Variants in BMP8A observed in about 807,000 individuals in gnomAD.
BMP8A encodes the protein BMP-8A.
In BMP8A, 14 loss-of-function variants were observed where a neutral mutation model predicts 36.8. That is an observed-to-expected ratio of 0.38 (90% CI 0.25 to 0.60). BMP8A has a LOEUF of 0.60. Among genes scored for constraint, BMP8A ranks in the 20% least tolerant of loss-of-function variants. The probability of loss-of-function intolerance (pLI) is 0.63; values close to 1 mark genes in which losing one functional copy is unlikely to be tolerated. For synonymous variants in BMP8A, 120 were observed against 237.7 expected (o/e 0.50, Z 4.55); for missense variants, 267 against 551.1 (o/e 0.48, Z 5.16).
At chr1:39,505,085 C>T (rs1024247592) in intron 1 of BMP8A, among the ~76,000 whole-genome samples, 41 of 152,176 alleles carry the variant, frequency 2.7e-4, no homozygotes, top group Non-Finnish European at 3.1e-4. Context: ...CAGGGATGAG[C>T]AGGAGACAGA....
At chr1:39,501,261 C>T (rs961748016) in intron 1 of BMP8A, among the ~76,000 whole-genome samples, 2 of 152,234 alleles carry the variant, frequency 1.3e-5, no homozygotes, top group African/African-American at 2.4e-5. Flanking sequence ...GTCCCACCTC[C>T]GATCACAGCC....
At chr1:39,501,827 A>T (rs1210190869) in intron 1 of BMP8A, among the ~76,000 whole-genome samples, 2 of 152,230 alleles carry the variant, frequency 1.3e-5, no homozygotes, top group African/African-American at 4.8e-5. Flanking sequence ...GATTACTGCC[A>T]GATTTCCTAC....
At chr1:39,503,497 T>C (rs1278371575) in intron 1 of BMP8A, among the ~76,000 whole-genome samples, 1 of 150,544 alleles carries the variant, frequency 6.6e-6, no homozygotes, top group Non-Finnish European at 1.5e-5. Flanking sequence ...GGCATTATGC[T>C]TACAGTCTTT....
Position 39,492,075 on chromosome 1 carries a change from G to C in BMP8A, c.84G>C (p.Pro28=), listed in dbSNP as rs1164085727. 1 of 1,128,892 alleles carries C rather than the reference G, an allele frequency of 8.9e-7. No homozygotes were observed. 69.9% of individuals were successfully genotyped at this position (1,128,892 alleles called of 1,614,324 possible). ...GGGGCGGCCCCGGCCTGCGACCCCCGCCCGGCTGTCCCCAGCGACGTCTGG... is the reference window on the plus strand; with the variant it reads ...GGGGCGGCCCCGGCCTGCGACCCCCCCCCGGCTGTCCCCAGCGACGTCTGG... ...LGGGGPGLRP[P]PGCPQRRLGA... is the part of the protein sequence containing the mutation. Residue 28 remains proline (P), a synonymous_variant, in exon 1 of 7, where the codon CCG becomes CCC. Coordinates refer to ENST00000331593, the MANE Select transcript of BMP8A (RefSeq NM_181809.4).
intron 5 of BMP8A, 77 bp downstream of exon 5, chr1:39,522,559 A>G (rs150437571): frequency 0.081 from 118,109 of 1,457,862 alleles, 4,166 homozygotes; most frequent in Non-Finnish European, 0.09. Context: ...GGGAGGACAT[A>G]GAATCATGGT....
At chr1:39,507,064 C>T (rs994615026) in intron 1 of BMP8A, among the ~76,000 whole-genome samples, 10 of 152,192 alleles carry the variant, frequency 6.6e-5, no homozygotes, top group Admixed American at 4.6e-4. Context: ...GGATCACTGT[C>T]CCAGATTTTG....
In BMP8A at chr1:39,522,730, G is replaced by C. The variant is rs549558861; in HGVS notation, c.948+248G>C. 3.1e-3 allele frequency among the ~76,000 whole-genome samples: 467 copies of C among 152,230 alleles called. 2 individuals are homozygous for C. The highest frequency in any genetic ancestry group is 0.011 in the African/African-American group (446 of 41,530). On this transcript the variant is annotated intron_variant, in intron 5 of 6. Transcript: ENST00000331593. ...AACCAACTAAGCTGTCAGCATTGCCGCAGGGTAACTGAGACCTCCCTGCAT... is the reference window on the plus strand; with the variant it reads ...AACCAACTAAGCTGTCAGCATTGCCCCAGGGTAACTGAGACCTCCCTGCAT...
chr1:39,524,389 G>T lies in BMP8A; in HGVS notation c.1060-1260G>T, dbSNP rs1289363097. On this transcript the variant is annotated intron_variant, in intron 6 of 6. Transcript: ENST00000331593. This position sits in a 1 kb window ranked among gnomAD's most constrained non-coding sequence, Gnocchi z 4.0. ...GTGGGCACAGAAGCAAACCAACCGTGGAGTTGACACCTCCTGTGAGGAAGA... is the reference window on the plus strand; with the variant it reads ...GTGGGCACAGAAGCAAACCAACCGTTGAGTTGACACCTCCTGTGAGGAAGA... Among the ~76,000 whole-genome samples the T allele has an allele frequency of 6.6e-6, 1 of 152,190 alleles. No homozygotes were observed. The highest frequency in any genetic ancestry group is 1.5e-5 in the Non-Finnish European group (1 of 68,024).
chr1:39,503,386 T>C (rs1037714032), intron 1 of BMP8A, among the ~76,000 whole-genome samples: 1 of 151,736 alleles, frequency 6.6e-6, no homozygotes, highest in Non-Finnish European at 1.5e-5. Flanking sequence ...CACTATTGGC[T>C]CATGTCTATG....
In BMP8A at chr1:39,529,852, T is replaced by C. The variant is rs1570328102; in HGVS notation, c.*4054T>C. 6.6e-6 allele frequency among the ~76,000 whole-genome samples: 1 copy of C among 152,264 alleles called. No individual in the cohort carries two copies. The highest frequency in any genetic ancestry group is 1.9e-4 in the East Asian group (1 of 5,204). On this transcript the variant is annotated 3_prime_UTR_variant, in exon 7 of 7. Transcript: ENST00000331593. Reference sequence around the variant, plus strand: ...TATTTTGAAAGTTTCTGTGATTAAATGTTCTTTGAAAACATAACTTTTAGC... The same window carrying C: ...TATTTTGAAAGTTTCTGTGATTAAACGTTCTTTGAAAACATAACTTTTAGC...
chr1:39,525,201 G>C lies in BMP8A; in HGVS notation c.1060-448G>C, dbSNP rs371217082. The C allele has an allele frequency of 3.4e-3, 587 of 170,802 alleles. 1 individual carries two copies. Among genetic ancestry groups the C allele is most frequent in the African/African-American group, 0.013 (526 of 41,802 alleles). 10.6% of individuals were successfully genotyped at this position (170,802 alleles called of 1,614,324 possible). A position where few individuals can be genotyped will look rare whatever the true frequency, so the allele number is the denominator to read the frequency against. ...AGGGGGCGAGGCCTGGCCTCCCAGAGCCTGGGGAGGGAGGCCAGGGTGTGG... is the reference window on the plus strand; with the variant it reads ...AGGGGGCGAGGCCTGGCCTCCCAGACCCTGGGGAGGGAGGCCAGGGTGTGG... On this transcript the variant is annotated intron_variant, in intron 6 of 6. Transcript: ENST00000331593.
chr1:39,501,888 C>G (rs1428178049), intron 1 of BMP8A, among the ~76,000 whole-genome samples: 1 of 152,202 alleles, frequency 6.6e-6, no homozygotes, highest in African/African-American at 2.4e-5. Flanking sequence ...CAGAAGTGTT[C>G]AGGTCTGATC....
At chr1:39,499,361 C>G (rs1645233780) in intron 1 of BMP8A, among the ~76,000 whole-genome samples, 1 of 151,802 alleles carries the variant, frequency 6.6e-6, no homozygotes. Flanking sequence ...CCTGTGGGCC[C>G]TTCGGGGCCG....
intron 1 of BMP8A, among the ~76,000 whole-genome samples, chr1:39,492,613 C>G (rs1645171042): frequency 1.3e-5 from 2 of 152,204 alleles, no homozygotes; most frequent in Admixed American, 6.5e-5. Context: ...TCTTTGCCCA[C>G]CTGGGCTGCC....
chr1:39,507,780 C>G (rs769409581), intron 1 of BMP8A, among the ~76,000 whole-genome samples: 6 of 152,088 alleles, frequency 3.9e-5, no homozygotes, highest in Non-Finnish European at 7.4e-5. Flanking sequence ...TACTGACTAC[C>G]GTCAACAAAC....
At chr1:39,494,352 C>CTTTTTTTTTTTTTTTTTT (rs573186363) in intron 1 of BMP8A, among the ~76,000 whole-genome samples, 2 of 118,366 alleles carry the variant, frequency 1.7e-5, no homozygotes, top group Non-Finnish European at 1.7e-5. Context: ...TTTCTTTTTT[C>CTTTTTTTTTTTTTTTTTT]TTTTTTTTTT....
chr1:39,523,703 A>T (rs1012836026), intron 6 of BMP8A: 62 of 1,392,922 alleles, frequency 4.5e-5, no homozygotes, highest in Non-Finnish European at 5.4e-5. Flanking sequence ...GCAACCTTAA[A>T]GGACAAAAGC....
At chr1:39,515,691 G>C in intron 3 of BMP8A, 1 of 1,576,018 alleles carries the variant, frequency 6.3e-7, no homozygotes. Context: ...GGTGGAGGTG[G>C]GGGCTTCCCC....
chr1:39,492,073 C>T lies in BMP8A; in HGVS notation c.82C>T (p.Pro28Ser), dbSNP rs1645163534. ...CGGGGGCGGCCCCGGCCTGCGACCC[C>T]CGCCCGGCTGTCCCCAGCGACGTCT... ...LGGGGPGLRP[P>S]PGCPQRRLGA... Residue 28 changes from proline to serine, a missense_variant, in exon 1 of 7, where the codon CCG becomes TCG. By Grantham distance (74) the Pro-to-Ser change is moderately conservative. Coordinates refer to ENST00000331593, the MANE Select transcript of BMP8A (RefSeq NM_181809.4). The T allele has an allele frequency of 3.6e-6, 4 of 1,126,628 alleles. No individual in the cohort carries two copies. The highest frequency in any genetic ancestry group is 4.1e-5 in the South Asian group (1 of 24,336). The allele number at this position is 1,126,628 out of a possible 1,614,324, so 69.8% of individuals were successfully genotyped here.
Sources: allele counts gnomAD v4.1 joint callset (sites outside exome capture counted in the v4.1 genomes callset), GRCh38; gene constraint gnomAD v4.1.1; non-coding constraint Gnocchi (gnomAD v3.1); transcripts MANE v1.5; gene names NCBI Gene and HGNC (gene_info 2026-07-23, HGNC 2026-07-21).